The following NRXN3 variants were observed in gnomAD, a reference collection of about 807,000 sequenced individuals.
NRXN3 encodes the protein neurexin 3, also known as neurexin III.
NRXN3 carries 32 observed loss-of-function variants against 137.6 expected under a neutral mutation model. The observed-to-expected ratio is 0.23, with a 90% CI of 0.18 to 0.31. NRXN3 has a LOEUF of 0.31. Among genes scored for constraint, NRXN3 ranks in the 10% least tolerant of loss-of-function variants. The probability of loss-of-function intolerance (pLI) is 1.00; values close to 1 mark genes in which losing one functional copy is unlikely to be tolerated. For synonymous variants in NRXN3, 798 were observed against 784.5 expected (o/e 1.02, Z -0.29); for missense variants, 1,574 against 2,062.5 (o/e 0.76, Z 4.59).
intron 15 of NRXN3, among the ~76,000 whole-genome samples, chr14:79,175,752 T>C (rs558326668): frequency 3.2e-4 from 48 of 152,324 alleles, no homozygotes; most frequent in African/African-American, 1.1e-3. Context: ...TTCCCAGCCA[T>C]CTGATTCCCA....
intron 15 of NRXN3, among the ~76,000 whole-genome samples, chr14:79,137,769 T>C (rs2058392416): frequency 6.6e-6 from 1 of 152,362 alleles, no homozygotes; most frequent in South Asian, 2.1e-4. Flanking sequence ...TTTAAAATCA[T>C]ATTTTTTCTT....
At chr14:79,438,126 T>A (rs1292935208) in intron 15 of NRXN3, among the ~76,000 whole-genome samples, 2 of 152,152 alleles carry the variant, frequency 1.3e-5, no homozygotes, top group African/African-American at 2.4e-5. Flanking sequence ...TCCACCAGCA[T>A]TTTCTCCTGG....
chr14:79,069,094 G>A (rs1302362583), intron 15 of NRXN3, among the ~76,000 whole-genome samples: 6 of 152,016 alleles, frequency 3.9e-5, no homozygotes, highest in Admixed American at 6.6e-5. Context: ...TCTCTCCAGG[G>A]CATTGAGTTC....
chr14:79,759,888 GTGGGAAGACAAGATC>G (rs1262277978), intron 19 of NRXN3, among the ~76,000 whole-genome samples: 5 of 151,598 alleles, frequency 3.3e-5, no homozygotes, highest in African/African-American at 7.3e-5. Flanking sequence ...ATGGGGTCAC[GTGGGAAGACAAGATC>G]TGTCTGTATG....
At chr14:79,232,748 G>A (rs183498503) in intron 15 of NRXN3, among the ~76,000 whole-genome samples, 1 of 152,206 alleles carries the variant, frequency 6.6e-6, no homozygotes, top group East Asian at 1.9e-4. Flanking sequence ...CTGATTACCC[G>A]CGATGGTCAG....
At chr14:78,179,824 G>GGTTTTTGTTTTTTGTTTTTTTTTTTT (rs2059628796) in intron 1 of NRXN3, among the ~76,000 whole-genome samples, 1 of 12,622 alleles carries the variant, frequency 7.9e-5, no homozygotes, top group Non-Finnish European at 2.2e-4. Flanking sequence ...TTTTTTTTTT[G>GGTTTTTGTTTTTTGTTTTTTTTTTTT]TTTGTTTCTG....
At chr14:78,938,954 T>G (rs1425648657) in intron 10 of NRXN3, among the ~76,000 whole-genome samples, 3 of 151,196 alleles carry the variant, frequency 2.0e-5, no homozygotes, top group African/African-American at 7.3e-5. Context: ...CACGCCATTC[T>G]CCTGCCTCAG....
intron 15 of NRXN3, among the ~76,000 whole-genome samples, chr14:79,254,390 C>T (rs1252239612): frequency 6.6e-6 from 1 of 152,136 alleles, no homozygotes; most frequent in Non-Finnish European, 1.5e-5. Context: ...AAGATCAGCT[C>T]ATTTACAAGA....
At chr14:78,576,720 G>A (rs1043573626) in intron 4 of NRXN3, among the ~76,000 whole-genome samples, 5 of 152,116 alleles carry the variant, frequency 3.3e-5, no homozygotes, top group Admixed American at 6.5e-5. Flanking sequence ...GTCAAGGGGC[G>A]GAACATTCTG....
At chr14:79,342,023 G>A (rs1173109553) in intron 15 of NRXN3, among the ~76,000 whole-genome samples, 2 of 152,262 alleles carry the variant, frequency 1.3e-5, no homozygotes, top group South Asian at 2.1e-4. Flanking sequence ...AAAGAATTTT[G>A]TCTAGACCTA....
At chr14:79,200,507 T>C (rs2065821828) in intron 15 of NRXN3, among the ~76,000 whole-genome samples, 1 of 151,958 alleles carries the variant, frequency 6.6e-6, no homozygotes, top group Admixed American at 6.6e-5. Flanking sequence ...CATCTGGAGA[T>C]GAAGATGGAA....
At chr14:79,304,749 A>G (rs541694921) in intron 15 of NRXN3, among the ~76,000 whole-genome samples, 1 of 152,200 alleles carries the variant, frequency 6.6e-6, no homozygotes, top group African/African-American at 2.4e-5. Context: ...GTCTAAGGCC[A>G]CTTATGAGGC....
chr14:79,360,183 C>A (rs1017488149), intron 15 of NRXN3, among the ~76,000 whole-genome samples: 73 of 152,218 alleles, frequency 4.8e-4, no homozygotes, highest in African/African-American at 1.7e-3. Flanking sequence ...CTCCCAACTC[C>A]CATTAACTTC....
At chr14:78,803,578 A>G (rs757077298) in intron 8 of NRXN3, 42 bp from the exon 9 acceptor site, 1 of 1,590,300 alleles carries the variant, frequency 6.3e-7, no homozygotes, top group Admixed American at 1.7e-5. Flanking sequence ...GGCAACTGTG[A>G]CATCCGTCAT....
intron 4 of NRXN3, among the ~76,000 whole-genome samples, chr14:78,644,747 A>C (rs2097669785): frequency 6.6e-6 from 1 of 152,238 alleles, no homozygotes; most frequent in African/African-American, 2.4e-5. Flanking sequence ...TATCCATTCT[A>C]AACCAGCTCT....
chr14:78,831,240 T>C (rs1240356662), intron 10 of NRXN3, among the ~76,000 whole-genome samples: 1 of 152,062 alleles, frequency 6.6e-6, no homozygotes, highest in African/African-American at 2.4e-5. Context: ...AGAAAACTGA[T>C]GACGCAAGCC....
At chr14:79,794,497 T>A (rs2099155227) in intron 19 of NRXN3, among the ~76,000 whole-genome samples, 1 of 152,218 alleles carries the variant, frequency 6.6e-6, no homozygotes, top group Non-Finnish European at 1.5e-5. Context: ...TAAGAAAGGA[T>A]GTGATAGGTT....
At chr14:78,493,462 G>T (rs967676460) in intron 4 of NRXN3, among the ~76,000 whole-genome samples, 6 of 151,478 alleles carry the variant, frequency 4.0e-5, no homozygotes, top group African/African-American at 1.5e-4. Context: ...GGCAGAAGTT[G>T]TACTAAGCCA....
At chr14:78,804,687 G>A (rs1300070250) in intron 9 of NRXN3, among the ~76,000 whole-genome samples, 1 of 151,868 alleles carries the variant, frequency 6.6e-6, no homozygotes, top group Non-Finnish European at 1.5e-5. Flanking sequence ...CCTTTATATG[G>A]CCTCATATTC....
Sources: gnomAD v4.1 joint callset for allele counts (sites outside exome capture counted in the v4.1 genomes callset) on GRCh38, gnomAD v4.1.1 for gene constraint, MANE v1.5 for transcripts, NCBI Gene and HGNC (gene_info 2026-07-23, HGNC 2026-07-21) for gene names.